Variants in KHDRBS2 observed in about 807,000 individuals in gnomAD.
KHDRBS2 encodes KH RNA binding domain containing, signal transduction associated 2.
KHDRBS2 carries 26 observed loss-of-function variants against 44.3 expected under a neutral mutation model. The ratio of observed to expected loss-of-function variants is 0.59; its 90% CI spans 0.43 to 0.81. The LOEUF (loss-of-function observed/expected upper bound fraction) is 0.81. Ranked by LOEUF, KHDRBS2 falls within the 40% of genes least tolerant of loss-of-function variation. The probability of loss-of-function intolerance (pLI) is 0.00; values close to 1 mark genes in which losing one functional copy is unlikely to be tolerated. For missense variants in KHDRBS2, 476 were observed against 433.1 expected (o/e 1.10, Z -0.88); for synonymous variants, 194 against 151.1 (o/e 1.28, Z -2.08).
the KHDRBS2 span, among the ~76,000 whole-genome samples, chr6:61,640,173 A>C: frequency 1.3e-5 from 2 of 152,276 alleles, no homozygotes; most frequent in East Asian, 3.9e-4. Flanking sequence ...ATATTAGATA[A>C]AAAGTATGAG....
intron 2 of KHDRBS2, among the ~76,000 whole-genome samples, chr6:62,058,379 A>G (rs1790791904): frequency 6.6e-6 from 1 of 151,946 alleles, no homozygotes; most frequent in South Asian, 2.1e-4. Flanking sequence ...TTGGAATGTT[A>G]CTTTCACGTC....
At chr6:62,217,293 A>C (rs1017783466) in intron 1 of KHDRBS2, among the ~76,000 whole-genome samples, 7 of 151,730 alleles carry the variant, frequency 4.6e-5, no homozygotes, top group African/African-American at 1.7e-4. Flanking sequence ...AAAAAGCTAA[A>C]TTCATATATA....
chr6:61,678,347 C>T (rs1324035680), downstream of KHDRBS2, among the ~76,000 whole-genome samples: 7 of 151,856 alleles, frequency 4.6e-5, no homozygotes, highest in Admixed American at 3.9e-4. Flanking sequence ...GATTTTACTC[C>T]GTAACTATCT....
intron 7 of KHDRBS2, among the ~76,000 whole-genome samples, chr6:61,698,227 G>A (rs1192565292): frequency 6.6e-6 from 1 of 152,046 alleles, no homozygotes; most frequent in African/African-American, 2.4e-5. Flanking sequence ...TCTTTCATGG[G>A]TCTTCAAGTG....
chr6:62,029,011 A>G (rs1783871684), intron 3 of KHDRBS2, among the ~76,000 whole-genome samples: 1 of 152,064 alleles, frequency 6.6e-6, no homozygotes. Context: ...CAATAGTAAT[A>G]TGTTTATGAG....
At chr6:61,600,233 A>C in the KHDRBS2 span, among the ~76,000 whole-genome samples, 1 of 152,168 alleles carries the variant, frequency 6.6e-6, no homozygotes, top group Non-Finnish European at 1.5e-5. Flanking sequence ...CTTGTGACCT[A>C]CATGTATACA....
chr6:61,694,210 T>A (rs1242507311), intron 8 of KHDRBS2, among the ~76,000 whole-genome samples: 4 of 152,190 alleles, frequency 2.6e-5, no homozygotes, highest in Non-Finnish European at 5.9e-5. Context: ...CAAGAGATTG[T>A]TCACTACAAC....
intron 1 of KHDRBS2, among the ~76,000 whole-genome samples, chr6:62,254,877 A>G (rs1837118012): frequency 6.6e-6 from 1 of 152,122 alleles, no homozygotes; most frequent in African/African-American, 2.4e-5. Context: ...AGAATAATAC[A>G]TCATGAAACA....
intron 2 of KHDRBS2, among the ~76,000 whole-genome samples, chr6:62,082,638 T>C (rs1303755212): frequency 6.6e-6 from 1 of 152,154 alleles, no homozygotes; most frequent in East Asian, 1.9e-4. Flanking sequence ...AAATTGGAAT[T>C]GGGACAGAGA....
chr6:62,127,878 G>T (rs1255710565), intron 2 of KHDRBS2, among the ~76,000 whole-genome samples: 1 of 152,040 alleles, frequency 6.6e-6, no homozygotes, highest in Non-Finnish European at 1.5e-5. Context: ...CATCTAATTG[G>T]TTCATTTATT....
chr6:61,701,836 TC>T (rs1480399301), intron 7 of KHDRBS2, among the ~76,000 whole-genome samples: 1 of 152,016 alleles, frequency 6.6e-6, no homozygotes, highest in African/African-American at 2.4e-5. Context: ...GTTATTCTGT[TC>T]CCCTTTGACC....
At chr6:61,612,026 GTGCATA>G in the KHDRBS2 span, among the ~76,000 whole-genome samples, 1 of 152,172 alleles carries the variant, frequency 6.6e-6, no homozygotes, top group Admixed American at 6.5e-5. Context: ...TTGTATACAT[GTGCATA>G]TATAAATTAT....
chr6:61,954,395 ACGT>A (rs1765541383), intron 4 of KHDRBS2, among the ~76,000 whole-genome samples: 2 of 144,836 alleles, frequency 1.4e-5, no homozygotes, highest in Admixed American at 1.4e-4. Context: ...ATACATATAT[ACGT>A]ATGTATGCAT....
intron 6 of KHDRBS2, among the ~76,000 whole-genome samples, chr6:61,836,302 A>G (rs1450299283): frequency 6.6e-6 from 1 of 152,014 alleles, no homozygotes; most frequent in African/African-American, 2.4e-5. Context: ...ATCTTAGTTA[A>G]TGTATTCCAT....
intron 7 of KHDRBS2, among the ~76,000 whole-genome samples, chr6:61,730,243 C>T (rs1369245365): frequency 1.3e-5 from 2 of 152,096 alleles, no homozygotes; most frequent in East Asian, 3.8e-4. Context: ...ATTGGTATCA[C>T]TGCAACTAAT....
the KHDRBS2 span, among the ~76,000 whole-genome samples, chr6:61,586,398 TCCA>T: frequency 6.6e-6 from 1 of 152,144 alleles, no homozygotes; most frequent in Non-Finnish European, 1.5e-5. Context: ...AAGAATATCT[TCCA>T]CGTTTTCCAC....
chr6:62,163,905 G>A (rs1292737168), intron 2 of KHDRBS2, among the ~76,000 whole-genome samples: 2 of 151,904 alleles, frequency 1.3e-5, no homozygotes, highest in African/African-American at 4.8e-5. Context: ...TCTTAAGTGT[G>A]AGGTCCCAGG....
At chr6:62,272,592 T>C (rs1676793806) in intron 1 of KHDRBS2, among the ~76,000 whole-genome samples, 1 of 152,126 alleles carries the variant, frequency 6.6e-6, no homozygotes, top group African/African-American at 2.4e-5. Flanking sequence ...GCAGTAAATT[T>C]CTGTATTGAG....
chr6:61,786,446 A>G (rs1276622705), intron 6 of KHDRBS2, among the ~76,000 whole-genome samples: 1 of 152,090 alleles, frequency 6.6e-6, no homozygotes, highest in Non-Finnish European at 1.5e-5. Flanking sequence ...TTTGTAAAAT[A>G]CTTTTGAAAA....
Sources: gnomAD v4.1 joint callset for allele counts (sites outside exome capture counted in the v4.1 genomes callset) on GRCh38, gnomAD v4.1.1 for gene constraint, MANE v1.5 for transcripts, NCBI Gene and HGNC (gene_info 2026-07-23, HGNC 2026-07-21) for gene names.